Variants in GTF3C1 observed in about 807,000 individuals in gnomAD.
GTF3C1 encodes the protein general transcription factor IIIC subunit 1, also known as general transcription factor 3C polypeptide 1.
GTF3C1 carries 57 observed loss-of-function variants against 226.7 expected under a neutral mutation model. The ratio of observed to expected loss-of-function variants is 0.25; its 90% CI spans 0.20 to 0.31. GTF3C1 has a LOEUF of 0.31. Ranked by LOEUF, GTF3C1 falls within the 10% of genes least tolerant of loss-of-function variation. GTF3C1 has a pLI of 1.00. For missense variants in GTF3C1, 2,217 were observed against 2,776.1 expected, an observed-to-expected ratio of 0.80 and a Z score of 4.53; for synonymous variants, 1,090 against 1,084.8, an observed-to-expected ratio of 1.00 and a Z score of -0.09.
intron 24 of GTF3C1, among the ~76,000 whole-genome samples, chr16:27,484,658 G>C (rs1433355705): frequency 6.6e-6 from 1 of 152,250 alleles, no homozygotes; most frequent in Non-Finnish European, 1.5e-5. Flanking sequence ...CGCTGTATTA[G>C]AGGGAATCAT....
In GTF3C1 at chr16:27,476,509, A is replaced by G; in HGVS notation, c.4295T>C (p.Leu1432Pro). 3 of 1,613,044 alleles carry G rather than the reference A, an allele frequency of 1.9e-6. No individual in the cohort carries two copies. The highest frequency in any genetic ancestry group is 2.5e-6 in the Non-Finnish European group (3 of 1,179,088). Residue 1432 changes from leucine (L) to proline (P), a missense_variant, in exon 29 of 37, where the codon CTG (leucine) becomes CCG (proline). Leu to Pro is a moderately conservative substitution (Grantham distance 98). Around this residue, in one of 12 missense-constraint regions of GTF3C1, gnomAD observed 546 missense variants for 663.0 expected, o/e 0.82. Coordinates refer to ENST00000356183, the MANE Select transcript of GTF3C1 (RefSeq NM_001520.4). The stretch of plus-strand genomic sequence containing the variant: ...TGAGAGGGCCAGCGTGCTCTGGATC[A>G]GGTTCTGAAGCACCAGAAAGTGGAT... ...DDIHFLVLQN[L>P]IQSTLALSDS...
At chr16:27,476,364 G>A in intron 29 of GTF3C1, 87 bp downstream of exon 29, 1 of 794,284 alleles carries the variant, frequency 1.3e-6, no homozygotes, top group Admixed American at 2.1e-5. Flanking sequence ...AGAGCCCACA[G>A]CGGAGAAGGG....
chr16:27,470,630 T>C lies in GTF3C1; in HGVS notation c.4527-235A>G. 1.9e-6 allele frequency: 1 copy of C among 527,448 alleles called. No individual in the cohort carries two copies. Among genetic ancestry groups the C allele is most frequent in the African/African-American group, 1.9e-5 (1 of 52,730 alleles). 32.7% of individuals were successfully genotyped at this position (527,448 alleles called of 1,614,324 possible). A position where few individuals can be genotyped will look rare whatever the true frequency, so the allele number is the denominator to read the frequency against. ...TTCCGGGCAGAGTCCTGTCTCCTCA[T>C]CTAATTCAATGTGGCCTCACCTGGC... On this transcript the variant is annotated intron_variant, in intron 30 of 36. Transcript: ENST00000356183. This position sits in a 1 kb window ranked among gnomAD's most constrained non-coding sequence, Gnocchi z 4.9.
Position 27,469,762 on chromosome 16 carries a change from C to T in GTF3C1, c.4815-212G>A, listed in dbSNP as rs867206732. ...ACCGCGCTCACCCCTTGTCACATAG[C>T]TGTATCTCTGTGGGGACTGTTCCTT... On this transcript the variant is annotated intron_variant, in intron 31 of 36. Transcript: ENST00000356183. The surrounding 1 kb of genome is among the most constrained non-coding windows in gnomAD (Gnocchi z 4.5). 6.6e-6 allele frequency among the ~76,000 whole-genome samples: 1 copy of T among 152,156 alleles called. No individual in the cohort carries two copies. Among genetic ancestry groups the T allele is most frequent in the Non-Finnish European group, 1.5e-5 (1 of 68,028 alleles).
intron 6 of GTF3C1, among the ~76,000 whole-genome samples, chr16:27,521,702 G>C (rs2088753340): frequency 6.6e-6 from 1 of 152,174 alleles, no homozygotes; most frequent in African/African-American, 2.4e-5. Context: ...ATATTAACAT[G>C]TCTTTCTTTT....
Position 27,528,697 on chromosome 16 carries a change from G to A in GTF3C1, c.874C>T (p.Arg292Cys), listed in dbSNP as rs1459139998. The A allele has an allele frequency of 6.2e-7, 1 of 1,613,240 alleles. No homozygotes were observed. The highest frequency in any genetic ancestry group is 2.2e-5 in the East Asian group (1 of 44,890). The change falls in exon 6 of 37, where the codon CGT (arginine) becomes TGT (cysteine). Residue 292 changes from arginine (R) to cysteine (C), a missense_variant. By Grantham distance (180) the Arg-to-Cys change is radical. This residue lies in a region of GTF3C1 where 163 missense variants were observed against 234.3 expected (regional missense o/e 0.70). Coordinates refer to ENST00000356183, the MANE Select transcript of GTF3C1 (RefSeq NM_001520.4). Reference sequence around the variant, plus strand: ...GCGTTCAGCATATACTGGTACAGACGCTTAAACGTCCTTTCGCACAGCCCC... The same window carrying A: ...GCGTTCAGCATATACTGGTACAGACACTTAAACGTCCTTTCGCACAGCCCC... ...ELGLCERTFK[R>C]LYQYMLNAGL...
Position 27,492,347 on chromosome 16 carries a change from T to G in GTF3C1, c.3142A>C (p.Thr1048Pro). ...WFDLQCVCLN[T>P]PLGVVRCPRV... ...GACAGCCGACACCCACCTAGTGGGG[T>G]GTTGAGGCAGACGCACTGCAGGTCA... The change falls in exon 19 of 37, where the codon ACC (threonine) becomes CCC (proline). Residue 1048 changes from threonine (T) to proline (P), a missense_variant. This residue lies in a region of GTF3C1 where 353 missense variants were observed against 411.7 expected (regional missense o/e 0.86). Coordinates refer to ENST00000356183, the MANE Select transcript of GTF3C1 (RefSeq NM_001520.4). The surrounding 1 kb of genome is among the most constrained non-coding windows in gnomAD (Gnocchi z 5.0). The G allele has an allele frequency of 1.9e-6, 3 of 1,587,620 alleles. No homozygotes were observed. Among genetic ancestry groups the G allele is most frequent in the South Asian group, 1.1e-5 (1 of 89,784 alleles).
At chr16:27,496,157 G>GC (rs892565621) in intron 14 of GTF3C1, among the ~76,000 whole-genome samples, 32 of 152,098 alleles carry the variant, frequency 2.1e-4, no homozygotes, top group Non-Finnish European at 3.5e-4. Context: ...TGATGTGCCT[G>GC]CCCCCCTTCA....
intron 7 of GTF3C1, among the ~76,000 whole-genome samples, chr16:27,510,647 C>T (rs2088559009): frequency 6.6e-6 from 1 of 152,182 alleles, no homozygotes; most frequent in Admixed American, 6.5e-5. Flanking sequence ...ACCAAACAGC[C>T]CTCCAGAAAG....
chr16:27,484,762 T>C (rs1160831452), intron 24 of GTF3C1, among the ~76,000 whole-genome samples: 1 of 152,246 alleles, frequency 6.6e-6, no homozygotes, highest in Admixed American at 6.5e-5. Flanking sequence ...TTGTATGTTA[T>C]GTTAGTAGAA....
intron 12 of GTF3C1, among the ~76,000 whole-genome samples, chr16:27,499,077 C>T (rs895886249): frequency 2.0e-5 from 3 of 152,326 alleles, no homozygotes; most frequent in African/African-American, 4.8e-5. Flanking sequence ...CTGCTCCGTG[C>T]CCCCTTCCCA....
Position 27,463,470 on chromosome 16 carries a change from A to G in GTF3C1, c.5924+71T>C. On this transcript the variant is annotated intron_variant, in intron 35 of 36. Transcript: ENST00000356183. This position sits in a 1 kb window ranked among gnomAD's most constrained non-coding sequence, Gnocchi z 4.9. ...TGGGGAAAGACCCTCAAAGACCCTC[A>G]CACAAATCCTTACACTCGGTCCCTG... 2.3e-6 allele frequency: 2 copies of G among 874,654 alleles called. No individual in the cohort carries two copies. The highest frequency in any genetic ancestry group is 2.7e-5 in the South Asian group (2 of 74,422). The allele number at this position is 874,654 out of a possible 1,614,324, so 54.2% of individuals were successfully genotyped here. A position where few individuals can be genotyped will look rare whatever the true frequency, so the allele number is the denominator to read the frequency against.
intron 2 of GTF3C1, among the ~76,000 whole-genome samples, chr16:27,543,689 C>G (rs114671339): frequency 6.6e-6 from 1 of 152,140 alleles, no homozygotes; most frequent in African/African-American, 2.4e-5. Context: ...AGCCCACCAG[C>G]CAACATTTAA....
At chr16:27,498,872 A>T in intron 12 of GTF3C1, 139 bp from the exon 13 acceptor site, 2 of 636,794 alleles carry the variant, frequency 3.1e-6, no homozygotes, top group East Asian at 5.5e-5. Context: ...GATCGAAACA[A>T]AATTTGTTGC....
intron 23 of GTF3C1, among the ~76,000 whole-genome samples, chr16:27,486,752 C>G (rs1362686715): frequency 1.3e-5 from 2 of 152,250 alleles, no homozygotes; most frequent in African/African-American, 4.8e-5. Flanking sequence ...AGCACCACCA[C>G]CACCAAAACA....
chr16:27,515,318 G>A (rs1033200714), intron 6 of GTF3C1, among the ~76,000 whole-genome samples: 1 of 151,980 alleles, frequency 6.6e-6, no homozygotes, highest in African/African-American at 2.4e-5. Context: ...CGTTGGAGGT[G>A]TGCATCTGTA....
chr16:27,502,518 G>A (rs1304228346), intron 11 of GTF3C1, among the ~76,000 whole-genome samples: 1 of 152,174 alleles, frequency 6.6e-6, no homozygotes, highest in Non-Finnish European at 1.5e-5. Flanking sequence ...ACTCGCTTAA[G>A]TGTCTCCATA....
intron 2 of GTF3C1, among the ~76,000 whole-genome samples, chr16:27,541,905 T>G (rs2089089753): frequency 6.6e-6 from 1 of 152,188 alleles, no homozygotes; most frequent in Non-Finnish European, 1.5e-5. Context: ...CATGGCCAGC[T>G]GAGGGTAACT....
chr16:27,527,487 G>A (rs776411765), intron 6 of GTF3C1, among the ~76,000 whole-genome samples: 1 of 152,100 alleles, frequency 6.6e-6, no homozygotes, highest in Non-Finnish European at 1.5e-5. Context: ...CCAGACTAAG[G>A]AAGGTTTTTA....
Sources: gnomAD v4.1 joint callset for allele counts (sites outside exome capture counted in the v4.1 genomes callset) on GRCh38, gnomAD v4.1.1 for gene constraint, gnomAD v4.1.1 regional missense constraint, Gnocchi (gnomAD v3.1) non-coding constraint, MANE v1.5 for transcripts, NCBI Gene and HGNC (gene_info 2026-07-23, HGNC 2026-07-21) for gene names.